Variants in LRP1B observed in about 807,000 individuals in gnomAD.
LRP1B encodes the protein low-density lipoprotein receptor-related protein 1B.
In LRP1B, 217 loss-of-function variants were observed where a neutral mutation model predicts 556.6. That is an observed-to-expected ratio of 0.39 (90% CI 0.35 to 0.44). LRP1B has a LOEUF of 0.44. Among genes scored for constraint, LRP1B ranks in the 20% least tolerant of loss-of-function variants. The pLI, the probability that LRP1B is intolerant of heterozygous loss-of-function variation, is 1.00. For missense variants in LRP1B, 5,053 were observed against 5,620.8 expected (o/e 0.90, Z 3.23); for synonymous variants, 2,047 against 1,865.8 (o/e 1.10, Z -2.50).
At chr2:140,253,253 A>C (rs1182982665) in intron 86 of LRP1B, among the ~76,000 whole-genome samples, 1 of 152,076 alleles carries the variant, frequency 6.6e-6, no homozygotes, top group Non-Finnish European at 1.5e-5. Context: ...AGAAAATTTG[A>C]TCAGAAAGAG....
intron 6 of LRP1B, among the ~76,000 whole-genome samples, chr2:141,198,596 T>C (rs1006373851): frequency 3.3e-5 from 5 of 152,086 alleles, no homozygotes; most frequent in Non-Finnish European, 7.4e-5. Context: ...ATGCTTTTTG[T>C]TTGGGGGAGG....
In LRP1B at chr2:140,920,516, T is replaced by C. The variant is rs150940832; in HGVS notation, c.3319+2449A>G. 5.1e-3 allele frequency among the ~76,000 whole-genome samples: 779 copies of C among 152,176 alleles called. 7 individuals are homozygous for C. The highest frequency in any genetic ancestry group is 0.03 in the East Asian group (154 of 5,170). ...CATTGTGGGTAGTTTAAAGGTCTTA[T>C]AGCTTGTAAAACTGAGAATTTAAAG... On this transcript the variant is annotated intron_variant, in intron 21 of 90. Transcript: ENST00000389484.
At chr2:140,417,501 C>T (rs1274074750) in intron 66 of LRP1B, among the ~76,000 whole-genome samples, 1 of 152,168 alleles carries the variant, frequency 6.6e-6, no homozygotes, top group East Asian at 1.9e-4. Context: ...GGCAACAAGG[C>T]TTGTTTTTGT....
At chr2:140,821,599 A>G (rs1257340852) in intron 31 of LRP1B, among the ~76,000 whole-genome samples, 1 of 152,222 alleles carries the variant, frequency 6.6e-6, no homozygotes, top group Non-Finnish European at 1.5e-5. Context: ...AGTGCTTAAG[A>G]ATGTTATCTA....
chr2:140,918,188 G>T (rs973430338), intron 21 of LRP1B, among the ~76,000 whole-genome samples: 18 of 10,078 alleles, frequency 1.8e-3, no homozygotes, highest in Non-Finnish European at 5.7e-3. Flanking sequence ...TTTCTATTTT[G>T]TGTGTGTGTG....
intron 2 of LRP1B, among the ~76,000 whole-genome samples, chr2:141,568,892 C>T (rs1402637502): frequency 1.1e-4 from 17 of 149,690 alleles, no homozygotes; most frequent in Non-Finnish European, 1.5e-5. Context: ...CATCTGGGAT[C>T]ACAGGTGTGT....
At chr2:141,602,939 A>G (rs893085528) in intron 2 of LRP1B, among the ~76,000 whole-genome samples, 1 of 152,224 alleles carries the variant, frequency 6.6e-6, no homozygotes, top group African/African-American at 2.4e-5. Flanking sequence ...TGTAACAAGT[A>G]TTGAATACAG....
Position 140,769,314 on chromosome 2 carries a change from T to G in LRP1B, c.5657A>C (p.His1886Pro), listed in dbSNP as rs763201275. 2.4e-5 allele frequency: 38 copies of G among 1,611,766 alleles called. No individual in the cohort carries two copies. In the South Asian group the frequency reaches 4.0e-4, roughly 17 times the overall value. ...AAGAGGTATTCCCCTGATTCCTTCA[T>G]GAACAGAGTACATAAGAAATGATTC... ...GIESFLMYSVHEGIRGIPLEP... is the reference protein window; with the variant it reads ...GIESFLMYSVPEGIRGIPLEP... Residue 1886 changes from histidine to proline, a missense_variant, in exon 35 of 91, where the codon CAT becomes CCT. His to Pro is a moderately conservative substitution (Grantham distance 77). Coordinates refer to ENST00000389484, the MANE Select transcript of LRP1B (RefSeq NM_018557.3).
chr2:140,245,854 G>A (rs1175818184), intron 87 of LRP1B, among the ~76,000 whole-genome samples: 2 of 151,080 alleles, frequency 1.3e-5, no homozygotes, highest in Non-Finnish European at 3.0e-5. Flanking sequence ...CTTCCCTATG[G>A]CCTCACCCTT....
chr2:140,756,014 T>G (rs755122261), intron 35 of LRP1B, among the ~76,000 whole-genome samples: 1 of 151,972 alleles, frequency 6.6e-6, no homozygotes, highest in African/African-American at 2.4e-5. Flanking sequence ...TGTTGGAGGA[T>G]AGAAGATCAA....
chr2:140,670,009 T>C (rs1023247738), intron 41 of LRP1B, among the ~76,000 whole-genome samples: 1 of 152,150 alleles, frequency 6.6e-6, no homozygotes, highest in African/African-American at 2.4e-5. Flanking sequence ...TGTTAAAATA[T>C]TTTCTCTAAA....
At chr2:141,574,718 G>A (rs923876772) in intron 2 of LRP1B, among the ~76,000 whole-genome samples, 6 of 152,056 alleles carry the variant, frequency 3.9e-5, no homozygotes, top group African/African-American at 1.4e-4. Context: ...CAACATCTCA[G>A]CCTAAAAACT....
chr2:140,698,715 T>C (rs1349928680), intron 41 of LRP1B, among the ~76,000 whole-genome samples: 1 of 152,044 alleles, frequency 6.6e-6, no homozygotes, highest in Non-Finnish European at 1.5e-5. Flanking sequence ...ACGTGACAAG[T>C]GGTGGTTACT....
intron 86 of LRP1B, among the ~76,000 whole-genome samples, chr2:140,262,968 G>A (rs1020718152): frequency 1.3e-5 from 2 of 152,138 alleles, no homozygotes; most frequent in Non-Finnish European, 2.9e-5. Flanking sequence ...ACATTGCCCA[G>A]GCTGAAATGC....
chr2:141,729,185 T>C (rs911223686), intron 2 of LRP1B, among the ~76,000 whole-genome samples: 3 of 152,204 alleles, frequency 2.0e-5, no homozygotes, highest in Non-Finnish European at 2.9e-5. Context: ...GTTTTTACCA[T>C]GTTTTTCAAG....
At chr2:141,583,150 T>C (rs1460141188) in intron 2 of LRP1B, among the ~76,000 whole-genome samples, 2 of 152,166 alleles carry the variant, frequency 1.3e-5, no homozygotes, top group African/African-American at 4.8e-5. Flanking sequence ...ATAATCATTT[T>C]TATAAATTCA....
rs1482284894 is a variant in LRP1B, at chr2:140,536,397, A to AT, written c.7642+183dup. On this transcript the variant is annotated intron_variant, in intron 46 of 90. Coordinates refer to ENST00000389484, the MANE Select transcript of LRP1B (RefSeq NM_018557.3). Reference sequence around the variant, plus strand: ...AAATTATTTAGTGAATATCATGGCTATCAAACAGGAGATAAAGTACCTCAT... The same window carrying AT: ...AAATTATTTAGTGAATATCATGGCTATTCAAACAGGAGATAAAGTACCTCAT... Among the ~76,000 whole-genome samples, 94 of 149,232 alleles carry AT rather than the reference A, an allele frequency of 6.3e-4. 1 individual carries two copies. The highest frequency in any genetic ancestry group is 3.5e-3 in the Middle Eastern group (1 of 284).
At position 140,337,848 on chromosome 2, in the gene LRP1B, T is replaced by C. The variant is rs573140978; in HGVS notation, c.11893-2010A>G. 1.1e-4 allele frequency among the ~76,000 whole-genome samples: 17 copies of C among 151,960 alleles called. No individual in the cohort carries two copies. In the South Asian group the frequency reaches 3.3e-3, roughly 30 times the overall value. On this transcript the variant is annotated intron_variant, in intron 77 of 90. Transcript: ENST00000389484. Reference sequence around the variant, plus strand: ...ATTTAGGATTTTCATTTCATTTAATTCATTCTCAAAAAATTCTGATTATCC... The same window carrying C: ...ATTTAGGATTTTCATTTCATTTAATCCATTCTCAAAAAATTCTGATTATCC...
At chr2:140,483,615 C>CATATATATATATATATAT (rs201503377) in intron 59 of LRP1B, among the ~76,000 whole-genome samples, 3 of 88,366 alleles carry the variant, frequency 3.4e-5, no homozygotes, top group Non-Finnish European at 4.3e-5. Context: ...CACACACACA[C>CATATATATATATATATAT]ATATATATAT....
Sources: gnomAD v4.1 joint callset for allele counts (sites outside exome capture counted in the v4.1 genomes callset) on GRCh38, gnomAD v4.1.1 for gene constraint, MANE v1.5 for transcripts, NCBI Gene and HGNC (gene_info 2026-07-23, HGNC 2026-07-21) for gene names.